Variants in TGFA observed in about 807,000 individuals in gnomAD.
TGFA encodes the protein transforming growth factor alpha, also known as protransforming growth factor alpha.
Under a neutral mutation model 21.7 loss-of-function variants are expected in TGFA, and 12 were observed. That is an observed-to-expected ratio of 0.55 (90% CI 0.35 to 0.90). TGFA has a LOEUF of 0.90. TGFA is among the 40% of genes least tolerant of loss of function. The pLI, the probability that TGFA is intolerant of heterozygous loss-of-function variation, is 0.01. For missense variants in TGFA, 178 were observed against 210.8 expected (o/e 0.84, Z 0.96); for synonymous variants, 79 against 88.1 (o/e 0.90, Z 0.58).
intron 2 of TGFA, among the ~76,000 whole-genome samples, chr2:70,493,208 A>G (rs1436745437): frequency 6.6e-6 from 1 of 152,160 alleles, no homozygotes; most frequent in Non-Finnish European, 1.5e-5. Flanking sequence ...CACCATTCAC[A>G]TTTCAGTTTC....
At chr2:70,478,933 T>C (rs1553494943) in intron 2 of TGFA, among the ~76,000 whole-genome samples, 1 of 152,188 alleles carries the variant, frequency 6.6e-6, no homozygotes, top group Non-Finnish European at 1.5e-5. Flanking sequence ...ATTATCAATG[T>C]TAAAAATGAA....
At position 70,534,870 on chromosome 2, in the gene TGFA, C is replaced by T. The variant is rs140082695; in HGVS notation, c.40+18858G>A. Among the ~76,000 whole-genome samples, 110 of 152,284 alleles carry T rather than the reference C, an allele frequency of 7.2e-4. 1 individual carries two copies. Among genetic ancestry groups the T allele is most frequent in the Non-Finnish European group, 1.3e-3 (87 of 68,022 alleles). ...CGATGGTGCTCTCACACACAAACAA[C>T]TCCAGGCACCTCAGCATCCACAGCC... On this transcript the variant is annotated intron_variant, in intron 1 of 5. Transcript: ENST00000295400.
rs993788053 is a variant in TGFA, at chr2:70,529,289, T to C, written c.41-14377A>G. Reference sequence around the variant, plus strand: ...GCAGAGACATCCAGGGGGCATGAACTACAGAAGACAACACTTGGACTCTCC... The same window carrying C: ...GCAGAGACATCCAGGGGGCATGAACCACAGAAGACAACACTTGGACTCTCC... On this transcript the variant is annotated intron_variant, in intron 1 of 5. Transcript: ENST00000295400. 3.8e-4 allele frequency among the ~76,000 whole-genome samples: 58 copies of C among 152,178 alleles called. 2 individuals carry two copies. Among genetic ancestry groups the C allele is most frequent in the Admixed American group, 3.8e-3 (58 of 15,284 alleles).
chr2:70,483,729 T>G (rs1331480923), intron 2 of TGFA, among the ~76,000 whole-genome samples: 1 of 152,188 alleles, frequency 6.6e-6, no homozygotes, highest in Non-Finnish European at 1.5e-5. Flanking sequence ...TAGCCACAAC[T>G]CTAGTTCTTT....
chr2:70,479,965 C>T (rs1553495124), intron 2 of TGFA, among the ~76,000 whole-genome samples: 4 of 152,200 alleles, frequency 2.6e-5, no homozygotes, highest in Non-Finnish European at 5.9e-5. Context: ...CGATTTCTTG[C>T]ATCATCATCT....
intron 2 of TGFA, among the ~76,000 whole-genome samples, chr2:70,493,912 A>G (rs189538609): frequency 6.6e-6 from 1 of 152,324 alleles, no homozygotes; most frequent in Non-Finnish European, 1.5e-5. Flanking sequence ...TTCCAAATGC[A>G]TTAGTTTCCC....
chr2:70,503,523 T>C (rs112979038), intron 2 of TGFA, among the ~76,000 whole-genome samples: 12,930 of 149,590 alleles, frequency 0.086, 1,228 homozygotes, highest in African/African-American at 0.24. Context: ...TGAATACATA[T>C]GTAACAAACC....
chr2:70,514,715 C>T, intron 2 of TGFA, 144 bp downstream of exon 2: 2 of 887,304 alleles, frequency 2.3e-6, no homozygotes, highest in Non-Finnish European at 3.6e-6. Context: ...CCTCCTCGCC[C>T]CTGAGGAGGG....
intron 2 of TGFA, among the ~76,000 whole-genome samples, chr2:70,504,299 A>G (rs919721843): frequency 6.6e-6 from 1 of 151,434 alleles, no homozygotes; most frequent in African/African-American, 2.4e-5. Context: ...AGTCCCAGCT[A>G]CTTGGGAGGC....
chr2:70,494,466 A>G (rs1553498082), intron 2 of TGFA, among the ~76,000 whole-genome samples: 1 of 152,182 alleles, frequency 6.6e-6, no homozygotes, highest in African/African-American at 2.4e-5. Context: ...ATGAACACTA[A>G]GCTAAGTTTT....
intron 2 of TGFA, among the ~76,000 whole-genome samples, chr2:70,470,602 C>T (rs565134036): frequency 9.2e-4 from 140 of 152,330 alleles, no homozygotes; most frequent in Non-Finnish European, 1.3e-3. Context: ...AGTTCTTTCA[C>T]TTCACACAGC....
chr2:70,462,116 T>C (rs1213779262), intron 3 of TGFA, among the ~76,000 whole-genome samples: 1 of 152,182 alleles, frequency 6.6e-6, no homozygotes, highest in Non-Finnish European at 1.5e-5. Context: ...CCTCAGGGTA[T>C]GTCAGGCTTA....
intron 1 of TGFA, among the ~76,000 whole-genome samples, chr2:70,524,473 G>A (rs1262091919): frequency 2.0e-5 from 3 of 152,214 alleles, no homozygotes; most frequent in African/African-American, 7.2e-5. Flanking sequence ...CAAATTCCTG[G>A]AATTTCAAGG....
At chr2:70,503,575 AT>A in intron 2 of TGFA, among the ~76,000 whole-genome samples, 2 of 131,198 alleles carry the variant, frequency 1.5e-5, no homozygotes, top group Non-Finnish European at 3.4e-5. Flanking sequence ...AAGTATAATA[AT>A]AATAATAAAA....
intron 2 of TGFA, among the ~76,000 whole-genome samples, chr2:70,470,565 A>T (rs1405582101): frequency 6.6e-6 from 1 of 152,178 alleles, no homozygotes; most frequent in Non-Finnish European, 1.5e-5. Flanking sequence ...CAATTTCCCA[A>T]AGAAGCATCT....
intron 2 of TGFA, among the ~76,000 whole-genome samples, chr2:70,497,256 CTATG>C (rs1198579115): frequency 1.3e-5 from 2 of 152,224 alleles, no homozygotes; most frequent in African/African-American, 4.8e-5. Context: ...GAGTATGTTA[CTATG>C]TATGTTCTTG....
At chr2:70,511,890 T>TACACACACACACACACAC (rs36084203) in intron 2 of TGFA, among the ~76,000 whole-genome samples, 1 of 142,948 alleles carries the variant, frequency 7.0e-6, no homozygotes, top group Non-Finnish European at 1.5e-5. Flanking sequence ...TAGTCATGAA[T>TACACACACACACACACAC]ACACACACAC....
chr2:70,461,712 G>T (rs1397411701), intron 3 of TGFA: 1 of 152,180 alleles, frequency 6.6e-6, no homozygotes, highest in East Asian at 1.9e-4. Flanking sequence ...CTGCCTCGGG[G>T]AAAAAGTGGT....
At chr2:70,537,123 G>A (rs1318324549) in intron 1 of TGFA, among the ~76,000 whole-genome samples, 2 of 151,226 alleles carry the variant, frequency 1.3e-5, no homozygotes, top group Non-Finnish European at 2.9e-5. Context: ...CTGTTATGGT[G>A]ACAGGTGCTC....
Sources: gnomAD v4.1 joint callset for allele counts (sites outside exome capture counted in the v4.1 genomes callset) on GRCh38, gnomAD v4.1.1 for gene constraint, MANE v1.5 for transcripts, NCBI Gene and HGNC (gene_info 2026-07-23, HGNC 2026-07-21) for gene names.